The following KIF6 variants were observed in gnomAD, a reference collection of about 807,000 sequenced individuals.
KIF6 encodes the protein kinesin family member 6.
In KIF6, 106 loss-of-function variants were observed where a neutral mutation model predicts 112.7. The ratio of observed to expected loss-of-function variants is 0.94; its 90% CI spans 0.80 to 1.11. The LOEUF is 1.11. KIF6 is among the 50% of genes least tolerant of loss of function. KIF6 has a pLI of 0.00. For missense variants in KIF6, 929 were observed against 964.0 expected (o/e 0.96, Z 0.48); for synonymous variants, 339 against 339.9 (o/e 1.00, Z 0.03).
chr6:39,435,862 C>T (rs564262306), intron 13 of KIF6, among the ~76,000 whole-genome samples: 24 of 152,008 alleles, frequency 1.6e-4, no homozygotes, highest in Non-Finnish European at 3.2e-4. Flanking sequence ...GACTTGTTTT[C>T]CTTTGGGGAG....
At chr6:39,487,944 C>G (rs551134024) in intron 13 of KIF6, among the ~76,000 whole-genome samples, 14 of 149,724 alleles carry the variant, frequency 9.4e-5, no homozygotes, top group African/African-American at 3.4e-4. Context: ...GGCATTTGGC[C>G]AAGATATAGT....
chr6:39,669,540 T>C (rs185100616), intron 3 of KIF6, among the ~76,000 whole-genome samples: 2 of 152,374 alleles, frequency 1.3e-5, no homozygotes, highest in Admixed American at 1.3e-4. Context: ...GTTTATTTTC[T>C]TTTGAAAATG....
rs1253973506 is a variant in KIF6, at chr6:39,337,168, CTTCCTTCTTTCTTTCTTTCT to C, written c.2429-640_2429-621del. Among the ~76,000 whole-genome samples, 338 of 48,510 alleles carry C rather than the reference CTTCCTTCTTTCTTTCTTTCT, an allele frequency of 7.0e-3. 27 individuals are homozygous for C. The highest frequency in any genetic ancestry group is 0.026 in the African/African-American group (215 of 8,384). 31.8% of individuals were successfully genotyped at this position (48,510 alleles called of 152,430 possible). The stretch of plus-strand genomic sequence containing the variant: ...CCTTTCTCTTTCTTTTCTTTCTTTC[CTTCCTTCTTTCTTTCTTTCT>C]TTCTTTCTTTCTTTCTTTCTTTCTT... On this transcript the variant is annotated intron_variant, in intron 22 of 22. Transcript: ENST00000287152.
chr6:39,688,209 G>A (rs1787985871), intron 3 of KIF6, among the ~76,000 whole-genome samples: 1 of 152,074 alleles, frequency 6.6e-6, no homozygotes, highest in African/African-American at 2.4e-5. Flanking sequence ...CTCCTGCTGG[G>A]GTTTCCCATT....
intron 13 of KIF6, 127 bp downstream of exon 13, chr6:39,539,875 AT>A: frequency 1.4e-6 from 1 of 700,560 alleles, no homozygotes. Context: ...ATTTAAGATA[AT>A]TGATAGTTAT....
chr6:39,393,478 G>A (rs72850612), intron 15 of KIF6, among the ~76,000 whole-genome samples: 21,181 of 152,148 alleles, frequency 0.14, 2,132 homozygotes, highest in African/African-American at 0.28. Context: ...AATAAAAACT[G>A]TGTAAGTGTG....
intron 13 of KIF6, among the ~76,000 whole-genome samples, chr6:39,506,741 G>A (rs1776447840): frequency 6.6e-6 from 1 of 152,122 alleles, no homozygotes; most frequent in African/African-American, 2.4e-5. Flanking sequence ...GACTCTTGGT[G>A]GGCTTCTGGA....
rs1356025184 is a variant in KIF6, at chr6:39,362,478, C to G, written c.1902G>C (p.Gln634His). 4 of 1,614,140 alleles carry G rather than the reference C, an allele frequency of 2.5e-6. No individual in the cohort carries two copies. The highest frequency in any genetic ancestry group is 1.1e-5 in the South Asian group (1 of 91,076). Residue 634 changes from glutamine (Q) to histidine (H), a missense_variant, in exon 17 of 23, where the codon CAG becomes CAC. Transcript: ENST00000287152. ...GTTGTGATCGCAGCTTCTCCTCCTG[C>G]TGGTCTGGCATCAGAGGCACGGCCA... is the stretch of plus-strand genomic sequence containing the variant. ...ENMAVPLMPDQQEEKLRSQLE... is the reference protein window; with the variant it reads ...ENMAVPLMPDHQEEKLRSQLE...
Position 39,342,895 on chromosome 6 carries a change from A to AT in KIF6, c.2428+813_2428+814insA. On this transcript the variant is annotated intron_variant, in intron 22 of 22. Transcript: ENST00000287152. The surrounding 1 kb of genome is among the most constrained non-coding windows in gnomAD (Gnocchi z 4.7). ...AAGCTGAGTGCAGGCGCCACAGGGC[A>AT]GGCATCAGTCATTATACATCGAATC... is the stretch of plus-strand genomic sequence containing the variant. The AT allele has an allele frequency of 2.6e-5, 26 of 985,414 alleles. No individual in the cohort carries two copies. The highest frequency in any genetic ancestry group is 3.0e-5 in the Non-Finnish European group (25 of 829,932). The allele number at this position is 985,414 out of a possible 1,614,324, so 61.0% of individuals were successfully genotyped here. A position where few individuals can be genotyped will look rare whatever the true frequency, so the allele number is the denominator to read the frequency against.
At chr6:39,708,578 C>T (rs1789349825) in intron 3 of KIF6, among the ~76,000 whole-genome samples, 1 of 152,162 alleles carries the variant, frequency 6.6e-6, no homozygotes, top group Non-Finnish European at 1.5e-5. Context: ...GTCAAACCAT[C>T]ATGCTCTTAC....
intron 13 of KIF6, among the ~76,000 whole-genome samples, chr6:39,442,357 A>G (rs2150396585): frequency 6.6e-6 from 1 of 152,308 alleles, no homozygotes; most frequent in South Asian, 2.1e-4. Context: ...ACATCTAAAC[A>G]GTGGTCCTCA....
chr6:39,577,989 G>T, intron 10 of KIF6, 67 bp downstream of exon 10: 1 of 1,068,342 alleles, frequency 9.4e-7, no homozygotes. Flanking sequence ...ATAACATTAG[G>T]GCCAACAAAG....
rs915902319 is a variant in KIF6 at position 39,457,666 on chromosome 6, C to T, written c.1646-26505G>A. ...AAAAGAGAGAAGAATCAAATAGACACGATAAAAAATGATAAAGGGGATATC... is the reference window on the plus strand; with the variant it reads ...AAAAGAGAGAAGAATCAAATAGACATGATAAAAAATGATAAAGGGGATATC... On this transcript the variant is annotated intron_variant, in intron 13 of 22. Transcript: ENST00000287152. 9.2e-5 allele frequency among the ~76,000 whole-genome samples: 14 copies of T among 152,008 alleles called. 2 individuals carry two copies. In the East Asian group the frequency reaches 1.7e-3, roughly 19 times the overall value.
intron 3 of KIF6, among the ~76,000 whole-genome samples, chr6:39,683,492 C>A (rs1037656954): frequency 5.9e-5 from 9 of 152,134 alleles, no homozygotes; most frequent in African/African-American, 1.4e-4. Context: ...TTTAGATGTT[C>A]ATAAATACCC....
intron 3 of KIF6, among the ~76,000 whole-genome samples, chr6:39,701,385 T>C (rs1788867939): frequency 6.6e-6 from 1 of 152,216 alleles, no homozygotes; most frequent in African/African-American, 2.4e-5. Context: ...GGGGTCCCCA[T>C]GGTATCCTGG....
intron 13 of KIF6, among the ~76,000 whole-genome samples, chr6:39,432,250 AG>A (rs1287310841): frequency 6.6e-6 from 1 of 152,210 alleles, no homozygotes. Flanking sequence ...TCTGGCATTT[AG>A]AAGGTGCTCA....
At chr6:39,599,265 T>C (rs1335897490) in intron 6 of KIF6, among the ~76,000 whole-genome samples, 1 of 152,122 alleles carries the variant, frequency 6.6e-6, no homozygotes, top group Non-Finnish European at 1.5e-5. Context: ...TGAGTAAATA[T>C]GTTCAGATCT....
chr6:39,414,035 A>G (rs1231099959), intron 15 of KIF6, among the ~76,000 whole-genome samples: 8 of 152,218 alleles, frequency 5.3e-5, no homozygotes, highest in Admixed American at 2.0e-4. Context: ...GGGATCTGGA[A>G]TTACTGAGGA....
intron 10 of KIF6, among the ~76,000 whole-genome samples, chr6:39,546,038 T>C (rs776266965): frequency 6.6e-6 from 1 of 152,212 alleles, no homozygotes; most frequent in African/African-American, 2.4e-5. Flanking sequence ...TTAATTTCAC[T>C]AAAAATGCAT....
Sources: allele counts gnomAD v4.1 joint callset (sites outside exome capture counted in the v4.1 genomes callset), GRCh38; gene constraint gnomAD v4.1.1; non-coding constraint Gnocchi (gnomAD v3.1); transcripts MANE v1.5; gene names NCBI Gene and HGNC (gene_info 2026-07-23, HGNC 2026-07-21).